Variants in LHFPL3 observed in about 807,000 individuals in gnomAD.
The protein encoded by LHFPL3 is LHFPL tetraspan subfamily member 3 protein.
LHFPL3 carries 5 observed loss-of-function variants against 19.3 expected under a neutral mutation model. The observed-to-expected ratio is 0.26, with a 90% CI of 0.14 to 0.54. The LOEUF is 0.54. LHFPL3 is among the 20% of genes least tolerant of loss of function. LHFPL3 has a pLI of 0.94. For missense variants in LHFPL3, 249 were observed against 307.4 expected (o/e 0.81, Z 1.42); for synonymous variants, 133 against 126.2 (o/e 1.05, Z -0.36).
chr7:104,775,179 G>A (rs1347663409), intron 2 of LHFPL3, among the ~76,000 whole-genome samples: 2 of 152,184 alleles, frequency 1.3e-5, no homozygotes, highest in African/African-American at 4.8e-5. Context: ...ATCACTTGAG[G>A]TCAGGAGTTC....
intron 1 of LHFPL3, among the ~76,000 whole-genome samples, chr7:104,496,028 T>C (rs1054939840): frequency 8.5e-5 from 13 of 152,226 alleles, no homozygotes; most frequent in Admixed American, 4.6e-4. Flanking sequence ...TGCAGGTTTG[T>C]TACATATGTA....
At chr7:104,773,012 T>C (rs1794579271) in intron 2 of LHFPL3, among the ~76,000 whole-genome samples, 1 of 152,258 alleles carries the variant, frequency 6.6e-6, no homozygotes, top group Non-Finnish European at 1.5e-5. Flanking sequence ...TCTTTTAACC[T>C]ATTTATTAAA....
At chr7:104,711,051 G>T (rs1211346114) in intron 1 of LHFPL3, among the ~76,000 whole-genome samples, 1 of 152,172 alleles carries the variant, frequency 6.6e-6, no homozygotes, top group Non-Finnish European at 1.5e-5. Context: ...GAACACACAG[G>T]TTGAGTGTAT....
At chr7:104,557,231 G>A (rs762438194) in intron 1 of LHFPL3, among the ~76,000 whole-genome samples, 3 of 152,052 alleles carry the variant, frequency 2.0e-5, no homozygotes, top group Non-Finnish European at 4.4e-5. Context: ...CCAATTTACT[G>A]TGTTAGTCAT....
intron 1 of LHFPL3, among the ~76,000 whole-genome samples, chr7:104,581,001 T>C (rs1790450107): frequency 6.6e-6 from 1 of 152,012 alleles, no homozygotes. Flanking sequence ...CTTGTACAAG[T>C]CTTTTTGTGG....
intron 1 of LHFPL3, among the ~76,000 whole-genome samples, chr7:104,363,529 G>A (rs1376726762): frequency 6.6e-6 from 1 of 152,200 alleles, no homozygotes; most frequent in Non-Finnish European, 1.5e-5. Flanking sequence ...ATCCTCACCT[G>A]GGGATCTAGG....
intron 2 of LHFPL3, among the ~76,000 whole-genome samples, chr7:104,870,247 A>G (rs932346252): frequency 1.3e-5 from 2 of 152,224 alleles, no homozygotes; most frequent in African/African-American, 4.8e-5. Flanking sequence ...ATAATAATAA[A>G]AAAAGAAAAC....
intron 1 of LHFPL3, among the ~76,000 whole-genome samples, chr7:104,499,611 A>G (rs1793559094): frequency 6.6e-6 from 1 of 152,372 alleles, no homozygotes; most frequent in Non-Finnish European, 1.5e-5. Flanking sequence ...TGGTGCTCCA[A>G]TATTGTATCA....
chr7:104,380,374 A>T (rs1790804062), intron 1 of LHFPL3, among the ~76,000 whole-genome samples: 1 of 152,188 alleles, frequency 6.6e-6, no homozygotes, highest in African/African-American at 2.4e-5. Context: ...AACCCAGCAC[A>T]TGGTAACTGG....
At chr7:104,539,054 T>TA (rs1794439682) in intron 1 of LHFPL3, among the ~76,000 whole-genome samples, 1 of 151,768 alleles carries the variant, frequency 6.6e-6, no homozygotes, top group Admixed American at 6.6e-5. Context: ...GCTAGGAGAG[T>TA]AAAAAACCAG....
intron 2 of LHFPL3, among the ~76,000 whole-genome samples, chr7:104,887,995 G>A: frequency 6.6e-6 from 1 of 152,182 alleles, no homozygotes; most frequent in East Asian, 1.9e-4. Flanking sequence ...TACCTGACTG[G>A]AGAAAGCAGC....
intron 1 of LHFPL3, among the ~76,000 whole-genome samples, chr7:104,580,886 T>C (rs1790448222): frequency 6.6e-6 from 1 of 152,128 alleles, no homozygotes; most frequent in African/African-American, 2.4e-5. Flanking sequence ...TTATCTTGAG[T>C]AATATTCCAA....
intron 1 of LHFPL3, among the ~76,000 whole-genome samples, chr7:104,702,741 C>T (rs1185509051): frequency 1.3e-5 from 2 of 152,172 alleles, no homozygotes; most frequent in Non-Finnish European, 2.9e-5. Context: ...TTCAATTAAC[C>T]CCTACTTTCT....
chr7:104,450,432 A>T (rs1424124833), intron 1 of LHFPL3, among the ~76,000 whole-genome samples: 1 of 152,184 alleles, frequency 6.6e-6, no homozygotes, highest in African/African-American at 2.4e-5. Context: ...AGGGACATGG[A>T]TGAAGCTGGA....
intron 1 of LHFPL3, among the ~76,000 whole-genome samples, chr7:104,562,155 T>C (rs1457729821): frequency 1.4e-4 from 22 of 151,948 alleles, no homozygotes; most frequent in Admixed American, 4.6e-4. Context: ...CTGACAATTA[T>C]GTGTCTTGGA....
chr7:104,906,056 A>C, intron 2 of LHFPL3, 131 bp from the exon 3 acceptor site: 2 of 815,498 alleles, frequency 2.5e-6, no homozygotes, highest in Non-Finnish European at 4.1e-6. Flanking sequence ...CAAATGCAAA[A>C]TGCATTTGAA....
chr7:104,659,529 T>C (rs1430082679), intron 1 of LHFPL3, among the ~76,000 whole-genome samples: 1 of 152,184 alleles, frequency 6.6e-6, no homozygotes, highest in Non-Finnish European at 1.5e-5. Context: ...GCCACATGCT[T>C]TTCCTGAATG....
At chr7:104,875,129 A>G (rs1791912328) in intron 2 of LHFPL3, among the ~76,000 whole-genome samples, 1 of 152,106 alleles carries the variant, frequency 6.6e-6, no homozygotes, top group Non-Finnish European at 1.5e-5. Context: ...TATTTCAGGT[A>G]TGAGCCACTG....
intron 1 of LHFPL3, among the ~76,000 whole-genome samples, chr7:104,441,401 G>A (rs562904836): frequency 4.3e-4 from 65 of 152,140 alleles, no homozygotes; most frequent in African/African-American, 1.5e-3. Flanking sequence ...GTTGCATACG[G>A]CAGAATTTTC....
Sources: allele counts gnomAD v4.1 joint callset (sites outside exome capture counted in the v4.1 genomes callset), GRCh38; gene constraint gnomAD v4.1.1; transcripts MANE v1.5; gene names NCBI Gene and HGNC (gene_info 2026-07-23, HGNC 2026-07-21).